KLHL2: variants seen among roughly 807,000 people sequenced by gnomAD.
KLHL2 encodes kelch-like protein 2.
Under a neutral mutation model 75.8 loss-of-function variants are expected in KLHL2, and 15 were observed. The observed-to-expected ratio is 0.20, with a 90% CI of 0.13 to 0.30. KLHL2 has a LOEUF of 0.30. Ranked by LOEUF, KLHL2 falls within the 10% of genes least tolerant of loss-of-function variation. KLHL2 has a pLI of 1.00. For missense variants in KLHL2, 381 were observed against 741.0 expected (o/e 0.51, Z 5.64); for synonymous variants, 214 against 251.9 (o/e 0.85, Z 1.42).
intron 1 of KLHL2, among the ~76,000 whole-genome samples, chr4:165,210,960 C>T (rs1737161773): frequency 1.3e-5 from 2 of 151,828 alleles, no homozygotes; most frequent in Admixed American, 1.3e-4. Context: ...TTTTGCTTTT[C>T]CTTCACAAAA....
At chr4:165,283,310 C>T in intron 5 of KLHL2, among the ~76,000 whole-genome samples, 1 of 152,220 alleles carries the variant, frequency 6.6e-6, no homozygotes, top group East Asian at 1.9e-4. Context: ...AGTCCAAAGT[C>T]TCATCCCAGA....
In KLHL2 at chr4:165,269,309, A is replaced by G. The variant is rs373798009; in HGVS notation, c.544+5950A>G. On this transcript the variant is annotated intron_variant, in intron 5 of 14. Transcript: ENST00000226725. ...TTTAACTGGGGCATTTAGCCCATTT[A>G]CATTTAAGGTTAATATTGTTATGTT... 5.3e-5 allele frequency among the ~76,000 whole-genome samples: 8 copies of G among 152,146 alleles called. No homozygotes were observed. In the East Asian group the frequency reaches 9.6e-4, roughly 18 times the overall value.
chr4:165,247,971 A>G (rs1432740344), intron 4 of KLHL2, among the ~76,000 whole-genome samples: 1 of 152,240 alleles, frequency 6.6e-6, no homozygotes, highest in Non-Finnish European at 1.5e-5. Flanking sequence ...TGTGTTAGTT[A>G]GCTATTGCCA....
At chr4:165,264,721 C>CATATATATATATATATATATATATACAT (rs1187856274) in intron 5 of KLHL2, among the ~76,000 whole-genome samples, 3 of 71,202 alleles carry the variant, frequency 4.2e-5, no homozygotes, top group Non-Finnish European at 7.9e-5. Flanking sequence ...TATATATATA[C>CATATATATATATATATATATATATACAT]ATATATATAT....
At chr4:165,310,290 A>C (rs764879305) in intron 9 of KLHL2, among the ~76,000 whole-genome samples, 13 of 152,182 alleles carry the variant, frequency 8.5e-5, no homozygotes, top group South Asian at 2.1e-4. Flanking sequence ...GCGCCACTGC[A>C]CTCCAGCCTG....
At chr4:165,250,812 C>T (rs35548344) in intron 4 of KLHL2, among the ~76,000 whole-genome samples, 30 of 152,130 alleles carry the variant, frequency 2.0e-4, no homozygotes, top group Non-Finnish European at 3.8e-4. Flanking sequence ...ACTTTTCCTT[C>T]CCTCTTTATA....
At chr4:165,280,919 A>C (rs1395655944) in intron 5 of KLHL2, among the ~76,000 whole-genome samples, 3 of 152,234 alleles carry the variant, frequency 2.0e-5, no homozygotes, top group Non-Finnish European at 4.4e-5. Context: ...ACAGAGTATT[A>C]ATGTTATAGG....
intron 6 of KLHL2, among the ~76,000 whole-genome samples, 154 bp from the exon 7 acceptor site, chr4:165,297,455 A>G (rs893839172): frequency 2.5e-4 from 38 of 152,198 alleles, no homozygotes; most frequent in African/African-American, 8.0e-4. Flanking sequence ...CTTTGTAAGT[A>G]CATTGCAAGT....
In KLHL2 at chr4:165,310,478, A is replaced by C. The variant is rs1351084167; in HGVS notation, c.1040-75A>C. 10 of 1,236,930 alleles carry C rather than the reference A, an allele frequency of 8.1e-6. No homozygotes were observed. The East Asian group carries it at 2.3e-4, about 29-fold the overall frequency. 76.6% of individuals were successfully genotyped at this position (1,236,930 alleles called of 1,614,324 possible). ...ATGTTCTGACAACAGCTATAGATTT[A>C]TCAGAAAGCAATCTTTGGATATTGG... is the stretch of plus-strand genomic sequence containing the variant. On this transcript the variant is annotated intron_variant, in intron 9 of 14. Transcript: ENST00000226725.
rs114135768 is a variant in KLHL2, at chr4:165,270,109, A to T, written c.544+6750A>T. Among the ~76,000 whole-genome samples, 884 of 152,208 alleles carry T rather than the reference A, an allele frequency of 5.8e-3. 8 individuals are homozygous for T. The highest frequency in any genetic ancestry group is 0.02 in the African/African-American group (850 of 41,542). ...GATATCCTTTCTTCCACTTGGTCGA[A>T]TCGGCTATTGACGCTTGTGCATGAG... On this transcript the variant is annotated intron_variant, in intron 5 of 14. Coordinates refer to ENST00000226725, the MANE Select transcript of KLHL2 (RefSeq NM_007246.4).
chr4:165,261,309 T>C (rs1412679880), intron 4 of KLHL2, among the ~76,000 whole-genome samples: 1 of 152,198 alleles, frequency 6.6e-6, no homozygotes, highest in African/African-American at 2.4e-5. Flanking sequence ...GCAAAAAGTT[T>C]GGCTGTAACG....
chr4:165,289,611 C>G (rs1234863831), intron 5 of KLHL2, among the ~76,000 whole-genome samples: 1 of 143,990 alleles, frequency 6.9e-6, no homozygotes, highest in Non-Finnish European at 1.5e-5. Flanking sequence ...GACTATTTTC[C>G]TTGCCCTCTT....
At chr4:165,249,296 C>CT (rs1402274827) in intron 4 of KLHL2, among the ~76,000 whole-genome samples, 1 of 152,210 alleles carries the variant, frequency 6.6e-6, no homozygotes, top group Non-Finnish European at 1.5e-5. Context: ...AATCAGAACA[C>CT]TAATACATAA....
chr4:165,208,543 C>G (rs1736997355), intron 1 of KLHL2: 1 of 152,122 alleles, frequency 6.6e-6, no homozygotes, highest in Non-Finnish European at 1.5e-5. Context: ...TGTCTTTTTT[C>G]TTTGGTACCC....
At chr4:165,234,263 T>A (rs1739145545) in intron 3 of KLHL2, among the ~76,000 whole-genome samples, 1 of 152,154 alleles carries the variant, frequency 6.6e-6, no homozygotes, top group Non-Finnish European at 1.5e-5. Context: ...CTTTGTAACC[T>A]AAGAACAAAA....
chr4:165,307,299 C>T (rs909222087), intron 9 of KLHL2, among the ~76,000 whole-genome samples: 1 of 152,144 alleles, frequency 6.6e-6, no homozygotes, highest in African/African-American at 2.4e-5. Flanking sequence ...TAGAGTGAGA[C>T]TCCGTCTCAA....
rs550313530 is a variant in KLHL2 at position 165,311,720 on chromosome 4, T to C, written c.1339+155T>C. ...CTGTAAAATTTCAGTTATCCTCTTT[T>C]TAAAATTAGCTTCTCTATATAAATC... is the stretch of plus-strand genomic sequence containing the variant. On this transcript the variant is annotated intron_variant, in intron 11 of 14. Coordinates refer to ENST00000226725, the MANE Select transcript of KLHL2 (RefSeq NM_007246.4). Among the ~76,000 whole-genome samples the C allele has an allele frequency of 2.0e-5, 3 of 151,076 alleles. No homozygotes were observed. The South Asian group carries it at 6.3e-4, about 32-fold the overall frequency.
At chr4:165,225,954 T>C (rs991120504) in intron 2 of KLHL2, among the ~76,000 whole-genome samples, 2 of 152,212 alleles carry the variant, frequency 1.3e-5, no homozygotes, top group African/African-American at 4.8e-5. Flanking sequence ...GCCAAGTTAA[T>C]TATGTAAGTG....
chr4:165,216,093 A>G (rs1737521507), intron 1 of KLHL2, among the ~76,000 whole-genome samples: 1 of 152,224 alleles, frequency 6.6e-6, no homozygotes, highest in Non-Finnish European at 1.5e-5. Flanking sequence ...GAATTGTTAC[A>G]GCAGGTTTAA....
Sources: gnomAD v4.1 joint callset for allele counts (sites outside exome capture counted in the v4.1 genomes callset) on GRCh38, gnomAD v4.1.1 for gene constraint, MANE v1.5 for transcripts, NCBI Gene and HGNC (gene_info 2026-07-23, HGNC 2026-07-21) for gene names.